MXD4: variants seen among roughly 807,000 people sequenced by gnomAD.
The protein encoded by MXD4 is Mad4 homolog.
Under a neutral mutation model 24.5 loss-of-function variants are expected in MXD4, and 16 were observed. That is an observed-to-expected ratio of 0.65 (90% CI 0.44 to 0.99). The LOEUF (loss-of-function observed/expected upper bound fraction) is 0.99, where lower values mean the gene tolerates loss of function less well. MXD4 is among the 50% of genes least tolerant of loss of function. MXD4 has a pLI of 0.00. For synonymous variants in MXD4, 164 were observed against 134.2 expected, an observed-to-expected ratio of 1.22 and a Z score of -1.54; for missense variants, 301 against 301.5, an observed-to-expected ratio of 1.00 and a Z score of 0.01.
chr4:2,261,928 C>A lies in MXD4; in HGVS notation c.53G>T (p.Arg18Leu). The change falls in exon 1 of 6, where the codon CGC becomes CTC. Residue 18 changes from arginine to leucine, a missense_variant. By Grantham distance (102) the Arg-to-Leu change is moderately radical. Transcript: ENST00000337190. Reference protein sequence around the residue: ...ILLEAAEYLERRDREAEHGYA... With the variant: ...ILLEAAEYLELRDREAEHGYA... ...GGTGCGAGCGCTACCTCGATCCCTGCGCTCCAGGTACTCGGCCGCCTCCAG... is the reference window on the plus strand; with the variant it reads ...GGTGCGAGCGCTACCTCGATCCCTGAGCTCCAGGTACTCGGCCGCCTCCAG... The A allele has an allele frequency of 4.1e-6, 6 of 1,462,460 alleles. No individual in the cohort carries two copies. Among genetic ancestry groups the A allele is most frequent in the South Asian group, 1.3e-5 (1 of 77,396 alleles). 90.6% of individuals were successfully genotyped at this position (1,462,460 alleles called of 1,614,324 possible). A position where few individuals can be genotyped will look rare whatever the true frequency, so the allele number is the denominator to read the frequency against.
At chr4:2,255,092 T>G in intron 3 of MXD4, 1 of 361,336 alleles carries the variant, frequency 2.8e-6, no homozygotes, top group Non-Finnish European at 5.5e-6. Flanking sequence ...CCAAGTGTCC[T>G]GTGCAGTCAT....
At chr4:2,260,135 C>T (rs142633333) in intron 2 of MXD4, among the ~76,000 whole-genome samples, 39 of 152,274 alleles carry the variant, frequency 2.6e-4, no homozygotes, top group African/African-American at 7.7e-4. Flanking sequence ...CCTCAGGCCC[C>T]GGGGGAGCGG....
At chr4:2,259,313 C>T (rs182947641) in intron 2 of MXD4, among the ~76,000 whole-genome samples, 173 of 152,006 alleles carry the variant, frequency 1.1e-3, no homozygotes, top group East Asian at 7.8e-3. Context: ...TCTCAGGGTC[C>T]GGGAGGGCCT....
At chr4:2,261,649 G>A (rs1735548144) in intron 2 of MXD4, 76 bp downstream of exon 2, 1 of 901,034 alleles carries the variant, frequency 1.1e-6, no homozygotes, top group African/African-American at 1.8e-5. Context: ...CCGGGAATCG[G>A]GGCCCGGAGA....
At chr4:2,255,557 A>G (rs1207693061) in intron 3 of MXD4, among the ~76,000 whole-genome samples, 1 of 151,296 alleles carries the variant, frequency 6.6e-6, no homozygotes, top group East Asian at 2.0e-4. Flanking sequence ...CCTCTGAGCC[A>G]TGAAGCCCCT....
chr4:2,256,416 G>C (rs1398979174), intron 3 of MXD4, among the ~76,000 whole-genome samples: 1 of 152,220 alleles, frequency 6.6e-6, no homozygotes, highest in Non-Finnish European at 1.5e-5. Flanking sequence ...GCGATGTCCA[G>C]GGCCTGCCTC....
At position 2,249,518 on chromosome 4, in the gene MXD4, C is replaced by T. The variant is rs897826119; in HGVS notation, c.*1026G>A. ...GCCGCAGCAGAGCTCATGAGAAGCC[C>T]TTTCCTAAGGTGGCTCCAGGAGCCC... On this transcript the variant is annotated 3_prime_UTR_variant, in exon 6 of 6. Coordinates refer to ENST00000337190, the MANE Select transcript of MXD4 (RefSeq NM_006454.3). 6.6e-6 allele frequency: 1 copy of T among 151,978 alleles called. No individual in the cohort carries two copies. Among genetic ancestry groups the T allele is most frequent in the African/African-American group, 2.4e-5 (1 of 41,354 alleles). The allele number at this position is 151,978 out of a possible 1,614,324, so 9.4% of individuals were successfully genotyped here.
At chr4:2,257,352 G>A (rs1403715715) in intron 3 of MXD4, among the ~76,000 whole-genome samples, 2 of 152,156 alleles carry the variant, frequency 1.3e-5, no homozygotes. Flanking sequence ...TGGCATGGGG[G>A]CTCCTGCCTC....
In MXD4 at chr4:2,250,500, G is replaced by A. The variant is rs1426724293; in HGVS notation, c.*44C>T. 9.3e-6 allele frequency: 14 copies of A among 1,510,342 alleles called. No individual in the cohort carries two copies. Among genetic ancestry groups the A allele is most frequent in the Admixed American group, 6.4e-5 (3 of 46,902 alleles). 93.6% of individuals were successfully genotyped at this position (1,510,342 alleles called of 1,614,324 possible). ...TGAAGGAGAACTGGAGGGCTGACACGCGTGGCTGGCGGGCAGGCAGGCCAA... is the reference window on the plus strand; with the variant it reads ...TGAAGGAGAACTGGAGGGCTGACACACGTGGCTGGCGGGCAGGCAGGCCAA... On this transcript the variant is annotated 3_prime_UTR_variant, in exon 6 of 6. Coordinates refer to ENST00000337190, the MANE Select transcript of MXD4 (RefSeq NM_006454.3).
intron 2 of MXD4, among the ~76,000 whole-genome samples, chr4:2,259,449 A>G (rs1024435646): frequency 2.0e-5 from 3 of 152,188 alleles, no homozygotes; most frequent in Admixed American, 6.5e-5. Context: ...CCCCTACGCC[A>G]GCGTTTCTGC....
In MXD4 at chr4:2,261,957, G is replaced by C; in HGVS notation, c.24C>G (p.Ile8Met). The change falls in exon 1 of 6, where the codon ATC becomes ATG. Residue 8 changes from isoleucine (I) to methionine (M), a missense_variant. Physicochemically the swap from Ile to Met is conservative, Grantham distance 10. Coordinates refer to ENST00000337190, the MANE Select transcript of MXD4 (RefSeq NM_006454.3). MELNSLL[I>M]LLEAAEYLER... The stretch of plus-strand genomic sequence containing the variant: ...CCAGGTACTCGGCCGCCTCCAGCAG[G>C]ATCAGCAGGGAGTTCAGCTCCATCC... 1 of 1,442,590 alleles carries C rather than the reference G, an allele frequency of 6.9e-7. No homozygotes were observed. The highest frequency in any genetic ancestry group is 9.2e-7 in the Non-Finnish European group (1 of 1,092,694). 89.4% of individuals were successfully genotyped at this position (1,442,590 alleles called of 1,614,324 possible).
chr4:2,252,071 C>G (rs1392711578), intron 4 of MXD4, among the ~76,000 whole-genome samples: 1 of 152,160 alleles, frequency 6.6e-6, no homozygotes, highest in Non-Finnish European at 1.5e-5. Flanking sequence ...CCAGCAGCTG[C>G]CTCTTCACAG....
chr4:2,252,838 T>G, intron 3 of MXD4: 1 of 301,356 alleles, frequency 3.3e-6, no homozygotes. Context: ...ATCCCCACCC[T>G]GGAGTCCACA....
At chr4:2,252,640 T>A (rs958204622) in intron 3 of MXD4, 118 bp from the exon 4 acceptor site, 3 of 675,926 alleles carry the variant, frequency 4.4e-6, no homozygotes, top group Admixed American at 2.7e-5. Flanking sequence ...TGAGGGTCCC[T>A]CTCTAAGGAT....
intron 4 of MXD4, 86 bp from the exon 5 acceptor site, chr4:2,251,332 G>C (rs901215707): frequency 7.0e-7 from 1 of 1,420,566 alleles, no homozygotes; most frequent in African/African-American, 1.4e-5. Context: ...CCAGGCCTGG[G>C]CCCGGGAGGT....
intron 5 of MXD4, 150 bp from the exon 6 acceptor site, chr4:2,250,851 G>T: frequency 8.2e-7 from 1 of 1,222,120 alleles, no homozygotes. Context: ...GGAGGGCTCT[G>T]GCTGAGAACC....
At chr4:2,253,429 G>A (rs143928701) in intron 3 of MXD4, 32 of 152,368 alleles carry the variant, frequency 2.1e-4, no homozygotes, top group African/African-American at 7.0e-4. Context: ...TTCAACCACG[G>A]ACTCACCCAT....
chr4:2,248,905 G>C lies in MXD4; in HGVS notation c.*1639C>G, dbSNP rs907709497. ...AAGGAAAGGCGGGTGCAAGCCTCCT[G>C]GTGCCAGGCCTGCACCACCCAGCGA... On this transcript the variant is annotated 3_prime_UTR_variant, in exon 6 of 6. Coordinates refer to ENST00000337190, the MANE Select transcript of MXD4 (RefSeq NM_006454.3). 1.3e-5 allele frequency: 2 copies of C among 152,394 alleles called. No individual in the cohort carries two copies. Among genetic ancestry groups the C allele is most frequent in the African/African-American group, 4.8e-5 (2 of 41,474 alleles). The allele number at this position is 152,394 out of a possible 1,614,324, so 9.4% of individuals were successfully genotyped here.
intron 2 of MXD4, among the ~76,000 whole-genome samples, chr4:2,261,017 C>T (rs1037130143): frequency 7.9e-5 from 12 of 152,238 alleles, no homozygotes; most frequent in Non-Finnish European, 1.8e-4. Flanking sequence ...GAGGGCGCAG[C>T]TGGCACCCGT....
Sources: gnomAD v4.1 joint callset for allele counts (sites outside exome capture counted in the v4.1 genomes callset) on GRCh38, gnomAD v4.1.1 for gene constraint, MANE v1.5 for transcripts, NCBI Gene and HGNC (gene_info 2026-07-23, HGNC 2026-07-21) for gene names.